The following CEP295 variants were observed in gnomAD, a reference collection of about 807,000 sequenced individuals.
The protein encoded by CEP295 is centrosomal protein of 295 kDa.
A neutral mutation model predicts 291.6 loss-of-function variants in CEP295; 190 were observed. The ratio of observed to expected loss-of-function variants is 0.65; its 90% CI spans 0.58 to 0.73. The LOEUF is 0.73. CEP295 is among the 30% of genes least tolerant of loss of function. The pLI, the probability that CEP295 is intolerant of heterozygous loss-of-function variation, is 0.00. For missense variants in CEP295, 2,863 were observed against 2,949.4 expected, an observed-to-expected ratio of 0.97 and a Z score of 0.68; for synonymous variants, 993 against 1,038.8, an observed-to-expected ratio of 0.96 and a Z score of 0.85.
Position 93,730,278 on chromosome 11 carries a change from A to G in CEP295, c.*9A>G. ...CCAAAAATACATGCTGACTTTCTAGAAATAGTGTAAAGGTTTTTTAATTGT... is the reference window on the plus strand; with the variant it reads ...CCAAAAATACATGCTGACTTTCTAGGAATAGTGTAAAGGTTTTTTAATTGT... On this transcript the variant is annotated 3_prime_UTR_variant, in exon 30 of 30. Transcript: ENST00000325212. 2.0e-6 allele frequency: 3 copies of G among 1,530,580 alleles called. No homozygotes were observed. The South Asian group carries it at 3.6e-5, about 18-fold the overall frequency. The allele number at this position is 1,530,580 out of a possible 1,614,324, so 94.8% of individuals were successfully genotyped here.
intron 12 of CEP295, among the ~76,000 whole-genome samples, chr11:93,692,957 A>C (rs1172566613): frequency 7.6e-6 from 1 of 132,088 alleles, no homozygotes; most frequent in East Asian, 2.3e-4. Flanking sequence ...TGGATGACAG[A>C]GTGAGACTCT....
chr11:93,663,730 A>G (rs1371920433), intron 1 of CEP295, among the ~76,000 whole-genome samples: 1 of 152,242 alleles, frequency 6.6e-6, no homozygotes, highest in Non-Finnish European at 1.5e-5. Context: ...CAGTTATTCT[A>G]TCGCATTTTA....
chr11:93,697,745 T>A lies in CEP295; in HGVS notation c.2833T>A (p.Ser945Thr). ...KRLSLSQPILSQQNNFKFLQE... is the reference protein window; with the variant it reads ...KRLSLSQPILTQQNNFKFLQE... ...TTTGAGTCTTTCACAGCCTATCCTA[T>A]CACAGCAAAATAATTTTAAATTTCT... The change falls in exon 15 of 30, where the codon TCA (serine) becomes ACA (threonine). Residue 945 changes from serine to threonine, a missense_variant. This residue lies in a region of CEP295 where 2,295 missense variants were observed against 2,335.7 expected (regional missense o/e 0.98). Transcript: ENST00000325212. 6.4e-7 allele frequency: 1 copy of A among 1,551,678 alleles called. No individual in the cohort carries two copies. The highest frequency in any genetic ancestry group is 8.7e-7 in the Non-Finnish European group (1 of 1,146,984).
chr11:93,682,021 A>G (rs2134948635), intron 7 of CEP295, among the ~76,000 whole-genome samples: 1 of 152,254 alleles, frequency 6.6e-6, no homozygotes, highest in Non-Finnish European at 1.5e-5. Flanking sequence ...AAGGAATAAT[A>G]TACTAGCTTG....
At chr11:93,727,893 C>A in intron 24 of CEP295, 1 of 340,908 alleles carries the variant, frequency 2.9e-6, no homozygotes, top group Non-Finnish European at 5.3e-6. Flanking sequence ...CTAGAAATAT[C>A]CAGCATAATG....
At chr11:93,721,214 G>A in intron 18 of CEP295, 98 bp from the exon 19 acceptor site, 6 of 690,194 alleles carry the variant, frequency 8.7e-6, no homozygotes, top group Middle Eastern at 6.0e-4. Flanking sequence ...GTAGATTGTA[G>A]GAAAGCAGGG....
chr11:93,698,324 T>A lies in CEP295; in HGVS notation c.3412T>A (p.Cys1138Ser). Residue 1138 changes from cysteine to serine, a missense_variant, in exon 15 of 30, where the codon TGT becomes AGT. Physicochemically the swap from Cys to Ser is moderately radical, Grantham distance 112. This residue lies in a region of CEP295 where 2,295 missense variants were observed against 2,335.7 expected (regional missense o/e 0.98). Coordinates refer to ENST00000325212, the MANE Select transcript of CEP295 (RefSeq NM_033395.2). ...TGAGAAGGAGAATGTAGGTCCCTCC[T>A]GTCATTTGATAATCCCAACATTTCA... ...LSEKENVGPS[C>S]HLIIPTFQDK... The A allele has an allele frequency of 6.4e-7, 1 of 1,552,074 alleles. No homozygotes were observed. The highest frequency in any genetic ancestry group is 2.0e-5 in the Admixed American group (1 of 51,008).
intron 20 of CEP295, chr11:93,722,829 C>T (rs1471757818): frequency 7.4e-6 from 3 of 403,240 alleles, no homozygotes; most frequent in African/African-American, 4.1e-5. Context: ...GCAATCTCGG[C>T]TCTCCCGAGT....
In CEP295 at chr11:93,706,787, C is replaced by T; in HGVS notation, c.5639C>T (p.Ser1880Leu). 2 of 1,549,848 alleles carry T rather than the reference C, an allele frequency of 1.3e-6. No individual in the cohort carries two copies. The highest frequency in any genetic ancestry group is 8.7e-7 in the Non-Finnish European group (1 of 1,146,088). ...IYEDRDPLRVSISREQSFFGS... is the reference protein window; with the variant it reads ...IYEDRDPLRVLISREQSFFGS... ...GAAGACAGAGACCCCCTGCGAGTCT[C>T]AATAAGCCGAGAACAAAGTTTCTTT... is the stretch of plus-strand genomic sequence containing the variant. The change falls in exon 18 of 30, where the codon TCA becomes TTA. Residue 1880 changes from serine (S) to leucine (L), a missense_variant. Ser to Leu is a moderately radical substitution (Grantham distance 145, BLOSUM62 -2). Around this residue, in one of 3 missense-constraint regions of CEP295, gnomAD observed 2,295 missense variants for 2,335.7 expected, o/e 0.98. Transcript: ENST00000325212.
intron 10 of CEP295, among the ~76,000 whole-genome samples, chr11:93,691,416 C>T (rs557489659): frequency 1.3e-5 from 2 of 152,258 alleles, no homozygotes; most frequent in East Asian, 3.9e-4. Context: ...CTTTTTATGC[C>T]TTTCTCCTAT....
Position 93,698,999 on chromosome 11 carries a change from G to A in CEP295, c.4087G>A (p.Glu1363Lys). Reference sequence around the variant, plus strand: ...TCAAGAACAGTTAGCTACACAGAGAGAAGCCATCATTCTAGCTAGACAAGA... The same window carrying A: ...TCAAGAACAGTTAGCTACACAGAGAAAAGCCATCATTCTAGCTAGACAAGA... The part of the protein sequence containing the change: ...ALQEQLATQR[E>K]AIILARQEAR... The change falls in exon 15 of 30, where the codon GAA (glutamate) becomes AAA (lysine). Residue 1363 changes from glutamate (E) to lysine (K), a missense_variant. This residue lies in a region of CEP295 where 2,295 missense variants were observed against 2,335.7 expected (regional missense o/e 0.98). Transcript: ENST00000325212. 6.5e-7 allele frequency: 1 copy of A among 1,549,150 alleles called. No homozygotes were observed.
At chr11:93,705,128 A>G (rs1174208763) in intron 17 of CEP295, among the ~76,000 whole-genome samples, 1 of 152,102 alleles carries the variant, frequency 6.6e-6, no homozygotes, top group Non-Finnish European at 1.5e-5. Context: ...AATACCTCTC[A>G]ATATAATGTA....
intron 18 of CEP295, among the ~76,000 whole-genome samples, chr11:93,720,887 G>A (rs1176291889): frequency 6.6e-5 from 10 of 152,104 alleles, no homozygotes; most frequent in Admixed American, 4.6e-4. Flanking sequence ...GTAAGCCACC[G>A]CACCTGGCCC....
chr11:93,670,445 C>T (rs1443191366), intron 5 of CEP295, among the ~76,000 whole-genome samples: 2 of 152,056 alleles, frequency 1.3e-5, no homozygotes, highest in Non-Finnish European at 2.9e-5. Flanking sequence ...TTGTTCTCCA[C>T]ATTAGCTTGT....
At chr11:93,722,821 A>C (rs912112186) in intron 20 of CEP295, 4 of 394,162 alleles carry the variant, frequency 1.0e-5, no homozygotes, top group Non-Finnish European at 1.9e-5. Flanking sequence ...GCAATGGTGC[A>C]ATCTCGGCTC....
chr11:93,725,772 C>A lies in CEP295; in HGVS notation c.6440C>A (p.Pro2147His), dbSNP rs1042372076. The A allele has an allele frequency of 1.9e-6, 3 of 1,551,582 alleles. No individual in the cohort carries two copies. The African/African-American group carries it at 4.1e-5, about 21-fold the overall frequency. ...CTTAACACAAGTCCGAATCAACAAC[C>A]TGACACTAACTTGGCTCATGTTGGA... ...SSLNTSPNQQ[P>H]DTNLAHVGAH... Residue 2147 changes from proline (P) to histidine (H), a missense_variant, in exon 23 of 30, where the codon CCT becomes CAT. By Grantham distance (77) the Pro-to-His change is moderately conservative (BLOSUM62 -2). Around this residue, in one of 3 missense-constraint regions of CEP295, gnomAD observed 2,295 missense variants for 2,335.7 expected, o/e 0.98. Transcript: ENST00000325212.
chr11:93,688,212 G>C (rs1951341167), intron 10 of CEP295, among the ~76,000 whole-genome samples: 1 of 152,224 alleles, frequency 6.6e-6, no homozygotes, highest in Admixed American at 6.5e-5. Context: ...CCTTAGGAAG[G>C]ACTCTTTAAA....
intron 22 of CEP295, among the ~76,000 whole-genome samples, chr11:93,725,195 C>T (rs937498455): frequency 1.3e-5 from 2 of 151,100 alleles, no homozygotes; most frequent in East Asian, 1.9e-4. Context: ...TGCAGTGAGC[C>T]GAGATCGTGC....
intron 6 of CEP295, 26 bp downstream of exon 6, chr11:93,675,692 C>A: frequency 8.9e-7 from 1 of 1,126,110 alleles, no homozygotes; most frequent in Non-Finnish European, 1.3e-6. Context: ...TTTCTTCATG[C>A]CCTCGCTTTA....
Sources: allele counts gnomAD v4.1 joint callset (sites outside exome capture counted in the v4.1 genomes callset), GRCh38; gene constraint gnomAD v4.1.1; regional missense constraint gnomAD v4.1.1; transcripts MANE v1.5; gene names NCBI Gene and HGNC (gene_info 2026-07-23, HGNC 2026-07-21).